RBFOX1: variants seen among roughly 807,000 people sequenced by gnomAD.
The protein encoded by RBFOX1 is RNA binding protein fox-1 homolog 1.
Under a neutral mutation model 57.7 loss-of-function variants are expected in RBFOX1, and 8 were observed. The observed-to-expected ratio is 0.14, with a 90% CI of 0.08 to 0.25. RBFOX1 has a LOEUF of 0.25. RBFOX1 is among the 10% of genes least tolerant of loss of function. RBFOX1 has a pLI of 1.00. For missense variants in RBFOX1, 611 were observed against 548.5 expected, an observed-to-expected ratio of 1.11 and a Z score of -1.14; for synonymous variants, 326 against 222.4, an observed-to-expected ratio of 1.47 and a Z score of -4.15.
intron 3 of RBFOX1, among the ~76,000 whole-genome samples, chr16:6,925,421 A>G (rs1196675024): frequency 6.6e-6 from 1 of 151,476 alleles, no homozygotes; most frequent in Non-Finnish European, 1.5e-5. Flanking sequence ...CACTGCACCC[A>G]GCCTATCCTT....
chr16:6,918,205 C>A (rs896154652), intron 3 of RBFOX1, among the ~76,000 whole-genome samples: 1 of 151,632 alleles, frequency 6.6e-6, no homozygotes, highest in Non-Finnish European at 1.5e-5. Context: ...TCACTTGAAC[C>A]TGGGAGGTGG....
At chr16:6,555,318 C>T (rs138113897) in intron 2 of RBFOX1, among the ~76,000 whole-genome samples, 13 of 152,128 alleles carry the variant, frequency 8.5e-5, no homozygotes, top group African/African-American at 3.1e-4. Context: ...TAAAACCCAT[C>T]ATTTCCAGTG....
At chr16:5,873,967 G>T (rs1231987257) in intron 4 of RBFOX1, among the ~76,000 whole-genome samples, 2 of 152,166 alleles carry the variant, frequency 1.3e-5, no homozygotes, top group African/African-American at 4.8e-5. Flanking sequence ...TGAAAAGTAA[G>T]TGTGGAAACA....
intron 4 of RBFOX1, among the ~76,000 whole-genome samples, chr16:5,948,224 G>C (rs147414048): frequency 6.6e-6 from 1 of 152,272 alleles, no homozygotes; most frequent in African/African-American, 2.4e-5. Context: ...TGCGCTGACC[G>C]AGCTGGGCAG....
chr16:6,576,011 C>T (rs9926394), intron 2 of RBFOX1, among the ~76,000 whole-genome samples: 62,343 of 151,734 alleles, frequency 0.41, 14,277 homozygotes, highest in East Asian at 0.66. Context: ...AAAGCAAAAA[C>T]TGTCAGGAGC....
At chr16:5,766,933 C>T (rs934578733) in intron 3 of RBFOX1, among the ~76,000 whole-genome samples, 2 of 152,226 alleles carry the variant, frequency 1.3e-5, no homozygotes, top group Non-Finnish European at 2.9e-5. Context: ...GTACGTGCTA[C>T]TTCTTGCAAA....
chr16:5,759,125 C>T (rs1180857823), intron 3 of RBFOX1, among the ~76,000 whole-genome samples: 2 of 152,094 alleles, frequency 1.3e-5, no homozygotes, highest in South Asian at 2.1e-4. Flanking sequence ...TCTTCACTTT[C>T]CTTTTGATGT....
At chr16:6,014,042 A>C (rs946105076), upstream of RBFOX1, among the ~76,000 whole-genome samples, 2 of 152,204 alleles carry the variant, frequency 1.3e-5, no homozygotes, top group South Asian at 4.1e-4. Context: ...CAGCACACCA[A>C]CATGGTACAT....
chr16:6,166,111 TAATC>T (rs1397062605), intron 1 of RBFOX1, among the ~76,000 whole-genome samples: 3 of 152,182 alleles, frequency 2.0e-5, no homozygotes, highest in Admixed American at 6.5e-5. Context: ...TAAAAATAAA[TAATC>T]AAGACTGTTT....
At chr16:7,012,905 G>C (rs1480320273) in intron 3 of RBFOX1, among the ~76,000 whole-genome samples, 1 of 152,126 alleles carries the variant, frequency 6.6e-6, no homozygotes, top group African/African-American at 2.4e-5. Context: ...TTCAAGATCA[G>C]GGTGCCAAGA....
chr16:5,288,964 A>G (rs932166111), intron 1 of RBFOX1, among the ~76,000 whole-genome samples: 3 of 152,044 alleles, frequency 2.0e-5, no homozygotes, highest in Admixed American at 6.6e-5. Flanking sequence ...GTCTATACTA[A>G]AATAAAAAAA....
chr16:7,007,581 C>T (rs145273920), intron 3 of RBFOX1, among the ~76,000 whole-genome samples: 8 of 152,208 alleles, frequency 5.3e-5, no homozygotes, highest in East Asian at 1.9e-4. Context: ...TGTTAAACAC[C>T]CTCCCATCCT....
At chr16:6,991,850 A>G (rs538941599) in intron 3 of RBFOX1, among the ~76,000 whole-genome samples, 1 of 152,190 alleles carries the variant, frequency 6.6e-6, no homozygotes, top group Non-Finnish European at 1.5e-5. Context: ...CACTTCTGAA[A>G]TGTTAATGTG....
chr16:6,825,539 T>C (rs1391303957), intron 3 of RBFOX1, among the ~76,000 whole-genome samples: 2 of 152,178 alleles, frequency 1.3e-5, no homozygotes, highest in African/African-American at 4.8e-5. Flanking sequence ...TCTTTTGATA[T>C]TGAAGGTCCA....
chr16:6,633,870 G>T (rs2098409933), intron 2 of RBFOX1, among the ~76,000 whole-genome samples: 1 of 152,098 alleles, frequency 6.6e-6, no homozygotes, highest in African/African-American at 2.4e-5. Context: ...AATTAGCCAT[G>T]CATGGTGGTG....
chr16:5,909,092 T>TTTTTA (rs2058550117), intron 4 of RBFOX1, among the ~76,000 whole-genome samples: 1 of 136,400 alleles, frequency 7.3e-6, no homozygotes, highest in South Asian at 2.5e-4. Context: ...AAGCCCCCCT[T>TTTTTA]TTTTTTTTTT....
chr16:7,231,486 G>C (rs966447317), intron 4 of RBFOX1, among the ~76,000 whole-genome samples: 8 of 152,036 alleles, frequency 5.3e-5, no homozygotes, highest in African/African-American at 1.7e-4. Flanking sequence ...GCAGTTCCTC[G>C]GGAAGTTAAG....
At chr16:7,672,172 A>G (rs1210434555) in intron 13 of RBFOX1, among the ~76,000 whole-genome samples, 6 of 152,166 alleles carry the variant, frequency 3.9e-5, no homozygotes, top group African/African-American at 1.2e-4. Flanking sequence ...TTTTAAACCT[A>G]TTTCTCACTG....
intron 3 of RBFOX1, among the ~76,000 whole-genome samples, chr16:6,922,663 T>C (rs1597321736): frequency 6.7e-6 from 1 of 149,738 alleles, no homozygotes; most frequent in Admixed American, 6.6e-5. Flanking sequence ...CAGGTGAGGG[T>C]GGAGTAAACT....
Sources: gnomAD v4.1 joint callset for allele counts (sites outside exome capture counted in the v4.1 genomes callset) on GRCh38, gnomAD v4.1.1 for gene constraint, MANE v1.5 for transcripts, NCBI Gene and HGNC (gene_info 2026-07-23, HGNC 2026-07-21) for gene names.